KCNMA1: variants seen among roughly 807,000 people sequenced by gnomAD.
KCNMA1 encodes Calcium-activated potassium channel subunit alpha-1.
In KCNMA1, 29 loss-of-function variants were observed where a neutral mutation model predicts 140.0. The observed-to-expected ratio is 0.21, with a 90% CI of 0.15 to 0.28. The LOEUF is 0.28. KCNMA1 is among the 10% of genes least tolerant of loss of function. The pLI is 1.00. For synonymous variants in KCNMA1, 612 were observed against 611.9 expected (o/e 1.00, Z 0.00); for missense variants, 880 against 1,602.2 (o/e 0.55, Z 7.70).
chr10:77,415,271 C>T (rs1002197558), intron 1 of KCNMA1, among the ~76,000 whole-genome samples: 1 of 152,328 alleles, frequency 6.6e-6, no homozygotes. Context: ...TAACAATCTC[C>T]TTCTCTTTCA....
chr10:77,009,127 A>T (rs1157009343), intron 18 of KCNMA1, among the ~76,000 whole-genome samples: 1 of 152,126 alleles, frequency 6.6e-6, no homozygotes, highest in Non-Finnish European at 1.5e-5. Flanking sequence ...AGGTTGGGGG[A>T]GGAGGCACAG....
intron 1 of KCNMA1, among the ~76,000 whole-genome samples, chr10:77,506,725 AGT>A (rs1383015253): frequency 4.9e-4 from 65 of 133,658 alleles, no homozygotes; most frequent in Admixed American, 9.8e-4. Context: ...AGAGAGAGAG[AGT>A]GTGTGTGTGT....
chr10:77,444,405 CA>C (rs1355549633), intron 1 of KCNMA1, among the ~76,000 whole-genome samples: 1 of 152,200 alleles, frequency 6.6e-6, no homozygotes, highest in Non-Finnish European at 1.5e-5. Flanking sequence ...CTGTCTTCTT[CA>C]AAAGCTGTAG....
chr10:77,478,254 T>C (rs957725395), intron 1 of KCNMA1, among the ~76,000 whole-genome samples: 1 of 152,200 alleles, frequency 6.6e-6, no homozygotes. Flanking sequence ...TTTATAAAAG[T>C]CTATTATGTC....
intron 2 of KCNMA1, among the ~76,000 whole-genome samples, chr10:77,342,847 T>C (rs890090607): frequency 6.6e-6 from 1 of 152,180 alleles, no homozygotes; most frequent in Non-Finnish European, 1.5e-5. Flanking sequence ...CCGAGCCCCA[T>C]CACTGGGAAG....
intron 1 of KCNMA1, among the ~76,000 whole-genome samples, chr10:77,482,632 C>T (rs1413478978): frequency 6.6e-6 from 1 of 152,120 alleles, no homozygotes; most frequent in East Asian, 1.9e-4. Context: ...CCTTCACAGT[C>T]ACTACATATT....
intron 5 of KCNMA1, among the ~76,000 whole-genome samples, chr10:77,175,298 T>C (rs1161412021): frequency 2.0e-5 from 3 of 152,222 alleles, no homozygotes; most frequent in Admixed American, 2.0e-4. Context: ...TTTCCCAAAC[T>C]GTAAACTTGG....
At chr10:77,492,639 C>A (rs1434187083) in intron 1 of KCNMA1, among the ~76,000 whole-genome samples, 1 of 152,236 alleles carries the variant, frequency 6.6e-6, no homozygotes, top group African/African-American at 2.4e-5. Flanking sequence ...AAGAGCCTCA[C>A]GGTCTAGGTC....
intron 20 of KCNMA1, among the ~76,000 whole-genome samples, chr10:76,962,102 C>T (rs189202839): frequency 9.7e-4 from 147 of 152,258 alleles, no homozygotes; most frequent in African/African-American, 3.4e-3. Context: ...AAAGCAAAAC[C>T]ACAAATCCCT....
intron 1 of KCNMA1, among the ~76,000 whole-genome samples, chr10:77,538,963 C>A (rs1479498941): frequency 6.6e-6 from 1 of 152,194 alleles, no homozygotes; most frequent in African/African-American, 2.4e-5. Flanking sequence ...ATAGGTCCCC[C>A]CTCCTGCTGA....
At position 77,429,891 on chromosome 10, in the gene KCNMA1, T is replaced by C. The variant is rs543535141; in HGVS notation, c.379-25868A>G. ...GCAATAAGCAAGTCAGGGTTCAAAA[T>C]CCTACTAAGAGATGAGTGTCAGAGC... On this transcript the variant is annotated intron_variant, in intron 1 of 27. Coordinates refer to ENST00000286628, the MANE Select transcript of KCNMA1 (RefSeq NM_001161352.2). 4.6e-5 allele frequency among the ~76,000 whole-genome samples: 7 copies of C among 152,252 alleles called. No homozygotes were observed. The East Asian group carries it at 1.4e-3, about 29-fold the overall frequency.
chr10:77,561,369 C>T (rs1375361846), intron 1 of KCNMA1, among the ~76,000 whole-genome samples: 1 of 152,112 alleles, frequency 6.6e-6, no homozygotes, highest in East Asian at 1.9e-4. Context: ...ATCTCATCAT[C>T]AGCTTGATAC....
chr10:77,518,269 A>G (rs2051329556), intron 1 of KCNMA1, among the ~76,000 whole-genome samples: 1 of 152,190 alleles, frequency 6.6e-6, no homozygotes, highest in Non-Finnish European at 1.5e-5. Flanking sequence ...TTTATTTACT[A>G]TGTTTCTGCC....
chr10:77,297,004 AAT>A (rs1346508715), intron 2 of KCNMA1, among the ~76,000 whole-genome samples: 1 of 151,994 alleles, frequency 6.6e-6, no homozygotes, highest in Non-Finnish European at 1.5e-5. Flanking sequence ...CCAGCCTTTG[AAT>A]CATTAATCTG....
At chr10:77,007,692 A>C (rs1477454047) in intron 18 of KCNMA1, among the ~76,000 whole-genome samples, 7 of 64,896 alleles carry the variant, frequency 1.1e-4, no homozygotes, top group Non-Finnish European at 2.6e-4. Context: ...ACAACATGGG[A>C]ATATATATGT....
At position 77,019,109 on chromosome 10, in the gene KCNMA1, G is replaced by A; in HGVS notation, c.1929-10C>T. 1 of 1,386,766 alleles carries A rather than the reference G, an allele frequency of 7.2e-7. No homozygotes were observed. The allele number at this position is 1,386,766 out of a possible 1,614,324, so 85.9% of individuals were successfully genotyped here. On this transcript the variant is annotated splice_polypyrimidine_tract_variant and intron_variant, in intron 16 of 27. Coordinates refer to ENST00000286628, the MANE Select transcript of KCNMA1 (RefSeq NM_001161352.2). The stretch of plus-strand genomic sequence containing the variant: ...AGGATTAATTAATATACTGCTCAGT[G>A]AACAAAAACAAACAGAGAAGATACA...
At chr10:77,136,835 T>C (rs1163470990) in intron 5 of KCNMA1, among the ~76,000 whole-genome samples, 3 of 152,172 alleles carry the variant, frequency 2.0e-5, no homozygotes, top group Non-Finnish European at 4.4e-5. Flanking sequence ...ATAAAGTCAG[T>C]GGCAAGTCAG....
At chr10:77,337,314 G>A (rs1252280066) in intron 2 of KCNMA1, among the ~76,000 whole-genome samples, 1 of 152,174 alleles carries the variant, frequency 6.6e-6, no homozygotes, top group East Asian at 1.9e-4. Flanking sequence ...TACAGAGGAA[G>A]AAGAAACACT....
At chr10:77,324,939 G>GAC (rs2083455881) in intron 2 of KCNMA1, among the ~76,000 whole-genome samples, 1 of 45,216 alleles carries the variant, frequency 2.2e-5, no homozygotes, top group African/African-American at 6.9e-5. Flanking sequence ...TATAGCTCTA[G>GAC]ACTCTCTCTC....
Sources: gnomAD v4.1 joint callset for allele counts (sites outside exome capture counted in the v4.1 genomes callset) on GRCh38, gnomAD v4.1.1 for gene constraint, MANE v1.5 for transcripts, NCBI Gene and HGNC (gene_info 2026-07-23, HGNC 2026-07-21) for gene names.